Variants in CSMD3 observed in about 807,000 individuals in gnomAD.
CSMD3 encodes the protein CUB and Sushi multiple domains 3, also known as CUB and sushi domain-containing protein 3.
Under a neutral mutation model 435.2 loss-of-function variants are expected in CSMD3, and 177 were observed. That is an observed-to-expected ratio of 0.41 (90% confidence interval 0.36 to 0.46). CSMD3 has a LOEUF of 0.46. Among genes scored for constraint, CSMD3 ranks in the 20% least tolerant of loss-of-function variants. The probability of loss-of-function intolerance (pLI) is 0.34; values close to 1 mark genes in which losing one functional copy is unlikely to be tolerated. For missense variants in CSMD3, 4,265 were observed against 4,504.6 expected (o/e 0.95, Z 1.52); for synonymous variants, 1,656 against 1,520.5 (o/e 1.09, Z -2.07).
intron 4 of CSMD3, among the ~76,000 whole-genome samples, chr8:113,145,674 C>T (rs2091656218): frequency 1.3e-5 from 2 of 151,228 alleles, no homozygotes; most frequent in Admixed American, 1.3e-4. Flanking sequence ...GAATAAAGTC[C>T]AAAACATTGT....
At chr8:113,156,262 A>T (rs754889355) in intron 4 of CSMD3, among the ~76,000 whole-genome samples, 1 of 152,066 alleles carries the variant, frequency 6.6e-6, no homozygotes. Context: ...ATTGGATACA[A>T]CTGCAATATC....
intron 3 of CSMD3, among the ~76,000 whole-genome samples, chr8:113,230,924 C>T (rs1192080487): frequency 1.3e-5 from 2 of 151,266 alleles, no homozygotes; most frequent in African/African-American, 4.8e-5. Flanking sequence ...TCACACTTGC[C>T]ATTTCTGTTC....
At chr8:112,408,235 A>G in intron 34 of CSMD3, 83 bp downstream of exon 34, 5 of 932,334 alleles carry the variant, frequency 5.4e-6, no homozygotes, top group Non-Finnish European at 7.0e-6. Context: ...TATCTAGAGG[A>G]TTTCATCATT....
chr8:112,623,464 A>G (rs940467924), intron 22 of CSMD3, among the ~76,000 whole-genome samples: 5 of 152,048 alleles, frequency 3.3e-5, no homozygotes, highest in African/African-American at 1.2e-4. Flanking sequence ...TTAGTCTTAG[A>G]TATTTATTTT....
At chr8:112,718,073 G>T (rs1302180064) in intron 13 of CSMD3, among the ~76,000 whole-genome samples, 1 of 151,970 alleles carries the variant, frequency 6.6e-6, no homozygotes, top group Non-Finnish European at 1.5e-5. Flanking sequence ...AGAACTTAAA[G>T]TAAAATAAAA....
intron 1 of CSMD3, among the ~76,000 whole-genome samples, chr8:113,403,382 G>A (rs1464258043): frequency 2.0e-5 from 3 of 151,122 alleles, no homozygotes; most frequent in African/African-American, 7.3e-5. Flanking sequence ...TTTTATGAGT[G>A]ACTTTTGGAT....
intron 1 of CSMD3, among the ~76,000 whole-genome samples, chr8:113,319,409 G>A (rs534389656): frequency 7.9e-5 from 12 of 151,816 alleles, no homozygotes; most frequent in Non-Finnish European, 1.0e-4. Flanking sequence ...TCAGGTTATT[G>A]TTTTTTCTGC....
At chr8:112,274,688 G>T (rs1459300913) in intron 59 of CSMD3, among the ~76,000 whole-genome samples, 1 of 152,018 alleles carries the variant, frequency 6.6e-6, no homozygotes, top group African/African-American at 2.4e-5. Context: ...ATTTTAAAAG[G>T]TGAAATGAAA....
chr8:113,041,294 T>C (rs1440133751), intron 5 of CSMD3, among the ~76,000 whole-genome samples: 1 of 151,734 alleles, frequency 6.6e-6, no homozygotes, highest in Non-Finnish European at 1.5e-5. Flanking sequence ...CTTGTACCCC[T>C]CTGTACATTA....
chr8:113,226,194 A>G (rs1291470003), intron 3 of CSMD3, among the ~76,000 whole-genome samples: 1 of 151,530 alleles, frequency 6.6e-6, no homozygotes, highest in Non-Finnish European at 1.5e-5. Flanking sequence ...ACAGTGTTAT[A>G]ATGTTATTAT....
intron 38 of CSMD3, among the ~76,000 whole-genome samples, chr8:112,370,171 A>G (rs12678407): frequency 0.39 from 59,251 of 151,290 alleles, 13,018 homozygotes; most frequent in Middle Eastern, 0.53. Flanking sequence ...GATCATCTTC[A>G]TCAGATAAAC....
chr8:113,073,232 AC>A (rs111365630), intron 5 of CSMD3, among the ~76,000 whole-genome samples: 16,737 of 151,696 alleles, frequency 0.11, 990 homozygotes, highest in Middle Eastern at 0.18. Flanking sequence ...ATTGGGAGAC[AC>A]TTTTTCATGG....
intron 2 of CSMD3, among the ~76,000 whole-genome samples, chr8:113,308,053 T>C (rs1054555051): frequency 3.9e-5 from 6 of 152,116 alleles, no homozygotes; most frequent in South Asian, 2.1e-4. Context: ...CTTTATGTGT[T>C]TTTGCAATAG....
chr8:112,408,961 G>C lies in CSMD3; in HGVS notation c.5467C>G (p.Gln1823Glu). The change falls in exon 33 of 71, where the codon CAG becomes GAG. Residue 1823 changes from glutamine (Q) to glutamate (E), a missense_variant. Physicochemically the swap from Gln to Glu is conservative, Grantham distance 29. This residue lies in a region of CSMD3 where 3,255 missense variants were observed against 3,380.2 expected (regional missense o/e 0.96). Transcript: ENST00000297405. ...AGGGAAGATAACAGAGAAGATTGCT[G>C]AGTTGGCCCATCATACACCTCAACA... is the stretch of plus-strand genomic sequence containing the variant. ...DVVEVYDGPT[Q>E]QSSLLSSLSG... 1.2e-6 allele frequency: 2 copies of C among 1,613,612 alleles called. No individual in the cohort carries two copies. Among genetic ancestry groups the C allele is most frequent in the Non-Finnish European group, 1.7e-6 (2 of 1,179,676 alleles).
At chr8:112,953,675 T>A (rs746307925) in intron 8 of CSMD3, among the ~76,000 whole-genome samples, 1 of 151,498 alleles carries the variant, frequency 6.6e-6, no homozygotes, top group Admixed American at 6.6e-5. Context: ...ATAATTGATA[T>A]AACTGCTCAA....
chr8:112,615,954 A>C (rs1276142442), intron 22 of CSMD3, among the ~76,000 whole-genome samples: 1 of 152,176 alleles, frequency 6.6e-6, no homozygotes, highest in African/African-American at 2.4e-5. Context: ...AATTTGTAGA[A>C]GCAGATACTT....
chr8:113,171,240 T>A lies in CSMD3; in HGVS notation c.709+2482A>T, dbSNP rs77734063. Among the ~76,000 whole-genome samples the A allele has an allele frequency of 2.8e-3, 427 of 152,182 alleles. 1 individual carries two copies. Among genetic ancestry groups the A allele is most frequent in the Non-Finnish European group, 4.4e-3 (297 of 67,986 alleles). ...ATTAAACTCTAACAGGTTTATGATT[T>A]TGGTATGTCTGCCTCTCTCTTCATC... On this transcript the variant is annotated intron_variant, in intron 4 of 70. Coordinates refer to ENST00000297405, the MANE Select transcript of CSMD3 (RefSeq NM_198123.2).
chr8:112,826,077 G>A (rs1051335326), intron 12 of CSMD3, among the ~76,000 whole-genome samples: 1 of 152,172 alleles, frequency 6.6e-6, no homozygotes, highest in Non-Finnish European at 1.5e-5. Context: ...CCAGTGGGGA[G>A]GGATGGGTCA....
chr8:112,256,845 A>G (rs1815851918), intron 61 of CSMD3, among the ~76,000 whole-genome samples: 1 of 152,208 alleles, frequency 6.6e-6, no homozygotes, highest in South Asian at 2.1e-4. Context: ...TTGGGTGTCC[A>G]TAAAATGCAT....
Sources: allele counts gnomAD v4.1 joint callset (sites outside exome capture counted in the v4.1 genomes callset), GRCh38; gene constraint gnomAD v4.1.1; regional missense constraint gnomAD v4.1.1; transcripts MANE v1.5; gene names NCBI Gene and HGNC (gene_info 2026-07-23, HGNC 2026-07-21).